Variants in BBS9 observed in about 807,000 individuals in gnomAD.
The protein encoded by BBS9 is protein PTHB1.
BBS9 carries 89 observed loss-of-function variants against 117.7 expected under a neutral mutation model. The ratio of observed to expected loss-of-function variants is 0.76; its 90% confidence interval spans 0.64 to 0.90. The LOEUF (loss-of-function observed/expected upper bound fraction) is 0.90, where lower values mean the gene tolerates loss of function less well. BBS9 is among the 40% of genes least tolerant of loss of function. BBS9 has a pLI of 0.00. For missense variants in BBS9, 982 were observed against 1,042.2 expected (o/e 0.94, Z 0.80); for synonymous variants, 379 against 370.9 (o/e 1.02, Z -0.25).
intron 19 of BBS9, among the ~76,000 whole-genome samples, chr7:33,428,427 T>C (rs1220454026): frequency 1.3e-5 from 2 of 152,184 alleles, no homozygotes; most frequent in Non-Finnish European, 2.9e-5. Flanking sequence ...CTGCACATCC[T>C]TTTCTCACAC....
At chr7:33,275,067 G>A (rs1328709122) in intron 9 of BBS9, among the ~76,000 whole-genome samples, 2 of 151,024 alleles carry the variant, frequency 1.3e-5, no homozygotes. Flanking sequence ...TCAGGATGGA[G>A]TTGTTTTCTC....
chr7:33,411,009 GTGT>G (rs1350950346), intron 19 of BBS9, among the ~76,000 whole-genome samples: 81 of 91,610 alleles, frequency 8.8e-4, no homozygotes, highest in East Asian at 3.2e-3. Flanking sequence ...TAAAATGTTG[GTGT>G]TTTTTTTTTT....
chr7:33,177,455 A>C, intron 4 of BBS9, 23 bp from the exon 5 acceptor site: 1 of 1,439,328 alleles, frequency 6.9e-7, no homozygotes, highest in Non-Finnish European at 9.8e-7. Context: ...AATACAAAGT[A>C]ATCCTTTTTT....
chr7:33,315,503 G>A (rs941208916), intron 9 of BBS9, among the ~76,000 whole-genome samples: 9 of 152,150 alleles, frequency 5.9e-5, no homozygotes, highest in South Asian at 4.1e-4. Context: ...TGATTCCTCC[G>A]TAATTTCCCT....
intron 9 of BBS9, among the ~76,000 whole-genome samples, chr7:33,300,033 A>G (rs1335242034): frequency 6.6e-6 from 1 of 152,204 alleles, no homozygotes; most frequent in African/African-American, 2.4e-5. Flanking sequence ...GCATCTTGGC[A>G]CTAACAACAA....
intron 19 of BBS9, chr7:33,390,672 A>G: frequency 1.2e-6 from 1 of 848,054 alleles, no homozygotes; most frequent in South Asian, 5.4e-5. Flanking sequence ...TTTTAATGAC[A>G]TACTTAACAC....
intron 21 of BBS9, among the ~76,000 whole-genome samples, chr7:33,550,620 A>G (rs1047485632): frequency 2.6e-5 from 4 of 152,224 alleles, no homozygotes; most frequent in Middle Eastern, 3.4e-3. Flanking sequence ...AGCCAGATCT[A>G]TGCTGCCAAC....
intron 19 of BBS9, among the ~76,000 whole-genome samples, chr7:33,462,386 A>T (rs1839596047): frequency 6.6e-6 from 1 of 152,090 alleles, no homozygotes; most frequent in Non-Finnish European, 1.5e-5. Context: ...AAATGCAGTA[A>T]TATAGTTGAG....
At position 33,604,951 on chromosome 7, in the gene BBS9, C is replaced by G. The variant is rs1189435999; in HGVS notation, c.2608C>G (p.Leu870Val). ...AGAACTGTTTACCAACCACAGACAT[C>G]TCACTGCAGAGACACCCAGGCCTGG... ...STELFTNHRHLTAETPRPEVS... is the reference protein window; with the variant it reads ...STELFTNHRHVTAETPRPEVS... The change falls in exon 22 of 23, where the codon CTC (leucine) becomes GTC (valine). Residue 870 changes from leucine to valine, a missense_variant. Coordinates refer to ENST00000242067, the MANE Select transcript of BBS9 (RefSeq NM_198428.3). The G allele has an allele frequency of 1.2e-6, 2 of 1,612,608 alleles. No homozygotes were observed. Among genetic ancestry groups the G allele is most frequent in the Non-Finnish European group, 1.7e-6 (2 of 1,178,706 alleles).
At chr7:33,370,332 T>C (rs1584527133) in intron 17 of BBS9, among the ~76,000 whole-genome samples, 1 of 150,802 alleles carries the variant, frequency 6.6e-6, no homozygotes, top group African/African-American at 2.4e-5. Context: ...TAGCCAGTTG[T>C]GGTGGCACAT....
chr7:33,192,319 G>A (rs147293724), intron 5 of BBS9, among the ~76,000 whole-genome samples: 13 of 152,214 alleles, frequency 8.5e-5, no homozygotes, highest in Admixed American at 5.2e-4. Context: ...AAAAATCTGC[G>A]TGATTTGGGT....
intron 5 of BBS9, among the ~76,000 whole-genome samples, chr7:33,243,312 A>G (rs1794835270): frequency 6.6e-6 from 1 of 152,230 alleles, no homozygotes; most frequent in Non-Finnish European, 1.5e-5. Context: ...TGATTTAGAA[A>G]TATCTATTGG....
chr7:33,448,162 A>C (rs190669705), intron 19 of BBS9, among the ~76,000 whole-genome samples: 1 of 152,098 alleles, frequency 6.6e-6, no homozygotes, highest in East Asian at 1.9e-4. Context: ...GCTTGTCCTG[A>C]TAGCTGCAGC....
At chr7:33,216,952 C>T (rs540286947) in intron 5 of BBS9, among the ~76,000 whole-genome samples, 58 of 151,956 alleles carry the variant, frequency 3.8e-4, no homozygotes, top group South Asian at 3.5e-3. Context: ...AAAAATGAGC[C>T]GGGGTGGTGG....
intron 4 of BBS9, among the ~76,000 whole-genome samples, chr7:33,165,417 A>C (rs1465694187): frequency 2.0e-5 from 3 of 152,148 alleles, no homozygotes; most frequent in African/African-American, 7.2e-5. Context: ...AATATCCAGC[A>C]GAGTGTTTTC....
At chr7:33,258,949 A>C (rs1344627447) in intron 6 of BBS9, among the ~76,000 whole-genome samples, 1 of 152,206 alleles carries the variant, frequency 6.6e-6, no homozygotes, top group South Asian at 2.1e-4. Flanking sequence ...TAGACTAAAA[A>C]ATGTACACGT....
chr7:33,258,707 C>A (rs1797479916), intron 6 of BBS9, among the ~76,000 whole-genome samples: 1 of 152,210 alleles, frequency 6.6e-6, no homozygotes, highest in Non-Finnish European at 1.5e-5. Context: ...CTGTGCCTCA[C>A]CTCCTGCCAA....
intron 4 of BBS9, among the ~76,000 whole-genome samples, chr7:33,158,242 A>G (rs1286415826): frequency 6.6e-6 from 1 of 152,154 alleles, no homozygotes; most frequent in Non-Finnish European, 1.5e-5. Context: ...ACTGTTGTCA[A>G]AGTGACCTCT....
intron 19 of BBS9, among the ~76,000 whole-genome samples, chr7:33,485,258 T>C (rs1314583247): frequency 6.6e-6 from 1 of 151,698 alleles, no homozygotes; most frequent in Non-Finnish European, 1.5e-5. Context: ...TATTTACCTA[T>C]GTAACAAATC....
Sources: gnomAD v4.1 joint callset for allele counts (sites outside exome capture counted in the v4.1 genomes callset) on GRCh38, gnomAD v4.1.1 for gene constraint, MANE v1.5 for transcripts, NCBI Gene and HGNC (gene_info 2026-07-23, HGNC 2026-07-21) for gene names.